The following ARRDC2 variants were observed in gnomAD, a reference collection of about 807,000 sequenced individuals.
ARRDC2 encodes the protein arrestin domain-containing protein 2.
ARRDC2 carries 39 observed loss-of-function variants against 38.9 expected under a neutral mutation model. The observed-to-expected ratio is 1.00, with a 90% confidence interval of 0.78 to 1.31. The LOEUF (loss-of-function observed/expected upper bound fraction) is 1.31, where lower values mean the gene tolerates loss of function less well. Ranked by LOEUF, ARRDC2 falls within the 50% of genes most tolerant of loss-of-function variation. The pLI is 0.00. For missense variants in ARRDC2, 553 were observed against 588.4 expected (o/e 0.94, Z 0.62); for synonymous variants, 300 against 261.9 (o/e 1.15, Z -1.41).
At chr19:18,012,652 T>C (rs2033436711) in intron 7 of ARRDC2, among the ~76,000 whole-genome samples, 1 of 152,154 alleles carries the variant, frequency 6.6e-6, no homozygotes, top group African/African-American at 2.4e-5. Flanking sequence ...GCAAATATTA[T>C]GCCATTTTAT....
chr19:18,008,871 A>C (rs1407781287), intron 2 of ARRDC2, 94 bp downstream of exon 2: 1 of 1,595,364 alleles, frequency 6.3e-7, no homozygotes, highest in Non-Finnish European at 8.6e-7. Context: ...CTGAGCCCCA[A>C]GACTCTCCCC....
chr19:18,001,214 G>A lies in ARRDC2; in HGVS notation c.-101G>A. On this transcript the variant is annotated 5_prime_UTR_variant, in exon 1 of 8. Transcript: ENST00000379656. The stretch of plus-strand genomic sequence containing the variant: ...CCGGGGGGGCCCGGAGGAAGCTTGG[G>A]GGACGCGACGGGGGAACGCGGAAAC... The A allele has an allele frequency of 4.6e-6, 5 of 1,090,332 alleles. No individual in the cohort carries two copies. In the South Asian group the frequency reaches 1.4e-4, roughly 30 times the overall value. 67.5% of individuals were successfully genotyped at this position (1,090,332 alleles called of 1,614,324 possible).
In ARRDC2 at chr19:18,008,381, T is replaced by G. The variant is rs766387572; in HGVS notation, c.71T>G (p.Phe24Cys). ...GCGACCGCGGGCGTCGAGCCCGTGT[T>G]TAGCGGCGGCCAGGCCGTGGCGGGC... Reference protein sequence around the residue: ...DGATAGVEPVFSGGQAVAGRV... With the variant: ...DGATAGVEPVCSGGQAVAGRV... The change falls in exon 1 of 8, where the codon TTT becomes TGT. Residue 24 changes from phenylalanine (F) to cysteine (C), a missense_variant. By Grantham distance (205) the Phe-to-Cys change is radical. Transcript: ENST00000222250. The G allele has an allele frequency of 6.3e-7, 1 of 1,595,924 alleles. No homozygotes were observed. Among genetic ancestry groups the G allele is most frequent in the East Asian group, 2.2e-5 (1 of 44,568 alleles).
chr19:18,008,196 G>C lies in ARRDC2; in HGVS notation c.-115G>C, dbSNP rs1234217876. The C allele has an allele frequency of 4.8e-6, 7 of 1,451,760 alleles. No individual in the cohort carries two copies. The highest frequency in any genetic ancestry group is 5.4e-6 in the Non-Finnish European group (6 of 1,106,892). The allele number at this position is 1,451,760 out of a possible 1,614,324, so 89.9% of individuals were successfully genotyped here. A position where few individuals can be genotyped will look rare whatever the true frequency, so the allele number is the denominator to read the frequency against. ...ATTTTCTGCTCCGGTTGGTGAGCGC[G>C]CCTGCGCGTTGACGGCGATTTTGCG... On this transcript the variant is annotated 5_prime_UTR_variant, in exon 1 of 8. Coordinates refer to ENST00000222250, the MANE Select transcript of ARRDC2 (RefSeq NM_015683.2).
upstream of ARRDC2, chr19:18,008,116 A>ACCGCC: frequency 3.8e-5 from 20 of 522,490 alleles, no homozygotes; most frequent in African/African-American, 8.4e-5. Context: ...AGAGACGGTG[A>ACCGCC]CCCCACCCCC....
At chr19:18,007,908 C>T (rs2146000910), upstream of ARRDC2, 1 of 301,274 alleles carries the variant, frequency 3.3e-6, no homozygotes, top group African/African-American at 2.3e-5. Flanking sequence ...CCTGCCTCTG[C>T]ACCTCTTTTT....
upstream of ARRDC2, among the ~76,000 whole-genome samples, chr19:18,005,416 C>T (rs529551186): frequency 2.0e-5 from 3 of 152,262 alleles, no homozygotes; most frequent in African/African-American, 7.2e-5. Context: ...GGCAACCATC[C>T]GATTTCTCAA....
In ARRDC2 at chr19:18,009,038, C is replaced by T. The variant is rs371134871; in HGVS notation, c.409C>T (p.Arg137Trp). The T allele has an allele frequency of 8.7e-6, 14 of 1,613,530 alleles. No individual in the cohort carries two copies. The highest frequency in any genetic ancestry group is 1.7e-5 in the Admixed American group (1 of 59,992). Residue 137 changes from arginine to tryptophan, a missense_variant, in exon 3 of 8, where the codon CGG (arginine) becomes TGG (tryptophan). Arg to Trp is a moderately radical substitution (Grantham distance 101). Coordinates refer to ENST00000222250, the MANE Select transcript of ARRDC2 (RefSeq NM_015683.2). Reference sequence around the variant, plus strand: ...CTACTGTATCAAGGCCACCCTGCACCGGCCCTGGGTCCCAGCACGCCGGGC... The same window carrying T: ...CTACTGTATCAAGGCCACCCTGCACTGGCCCTGGGTCCCAGCACGCCGGGC... Reference protein sequence around the residue: ...VRYCIKATLHRPWVPARRARK... With the variant: ...VRYCIKATLHWPWVPARRARK...
chr19:18,010,387 G>A (rs1483549204), intron 6 of ARRDC2, 29 bp downstream of exon 6: 1 of 1,597,912 alleles, frequency 6.3e-7, no homozygotes, highest in South Asian at 1.1e-5. Flanking sequence ...TGCATGCAGA[G>A]GGTGGGTGGA....
chr19:18,007,638 G>C (rs2033305583), upstream of ARRDC2: 1 of 154,088 alleles, frequency 6.5e-6, no homozygotes, highest in African/African-American at 2.4e-5. Flanking sequence ...AGAGCCACCA[G>C]CTAAGCGGGA....
chr19:18,002,497 G>A (rs1001855373), intron 1 of ARRDC2, among the ~76,000 whole-genome samples: 14 of 152,318 alleles, frequency 9.2e-5, no homozygotes, highest in South Asian at 4.1e-4. Context: ...TCTCTGGGCC[G>A]CCCTGGCTAT....
In ARRDC2 at chr19:18,008,238, T is replaced by A; in HGVS notation, c.-73T>A. The stretch of plus-strand genomic sequence containing the variant: ...GATTTTGCGTTCTGAGGCTGCAGCG[T>A]CGGCATCTTGAGCTGCCGGTTCGCG... On this transcript the variant is annotated 5_prime_UTR_variant, in exon 1 of 8. Transcript: ENST00000222250. 1 of 1,537,494 alleles carries A rather than the reference T, an allele frequency of 6.5e-7. No homozygotes were observed. The highest frequency in any genetic ancestry group is 8.7e-7 in the Non-Finnish European group (1 of 1,152,254).
In ARRDC2 at chr19:18,013,455, A is replaced by C. The variant is rs2033452477; in HGVS notation, c.*489A>C. 1 of 154,274 alleles carries C rather than the reference A, an allele frequency of 6.5e-6. No homozygotes were observed. The highest frequency in any genetic ancestry group is 1.4e-5 in the Non-Finnish European group (1 of 69,162). 9.6% of individuals were successfully genotyped at this position (154,274 alleles called of 1,614,324 possible). A position where few individuals can be genotyped will look rare whatever the true frequency, so the allele number is the denominator to read the frequency against. ...ACGAATGAGGAATAAAGGTCAGAGA[A>C]GGTCAGAGCTGAGTGACGTTTGGAA... On this transcript the variant is annotated 3_prime_UTR_variant, in exon 8 of 8. Transcript: ENST00000222250.
At position 18,009,884 on chromosome 19, in the gene ARRDC2, G is replaced by A. The variant is rs768141911; in HGVS notation, c.694G>A (p.Ala232Thr). The A allele has an allele frequency of 2.9e-5, 47 of 1,610,698 alleles. No homozygotes were observed. The highest frequency in any genetic ancestry group is 8.3e-5 in the Admixed American group (5 of 59,960). ...VQTQTFMARGARKQKRAVVAS... is the reference protein window; with the variant it reads ...VQTQTFMARGTRKQKRAVVAS... ...GACACAGACGTTCATGGCCCGAGGC[G>A]CCCGAAAGCAGAAACGGGCAGTGGT... The change falls in exon 5 of 8, where the codon GCC (alanine) becomes ACC (threonine). Residue 232 changes from alanine (A) to threonine (T), a missense_variant. By Grantham distance (58) the Ala-to-Thr change is moderately conservative (BLOSUM62 0). Coordinates refer to ENST00000222250, the MANE Select transcript of ARRDC2 (RefSeq NM_015683.2).
At chr19:18,010,808 G>A (rs1201324334) in intron 7 of ARRDC2, 79 bp downstream of exon 7, 1 of 1,494,598 alleles carries the variant, frequency 6.7e-7, no homozygotes, top group Non-Finnish European at 9.1e-7. Context: ...ATAGTAGATG[G>A]GTTTTTTTTG....
In ARRDC2 at chr19:18,010,355, G is replaced by C; in HGVS notation, c.1009G>C (p.Glu337Gln). 6.2e-7 allele frequency: 1 copy of C among 1,608,462 alleles called. No individual in the cohort carries two copies. Among genetic ancestry groups the C allele is most frequent in the Non-Finnish European group, 8.5e-7 (1 of 1,179,652 alleles). ...WRLGALPERP[E>Q]APPEYSEVVA... ...GCTGGGGGCCTTGCCGGAGCGGCCT[G>C]AGGGTAAGCTCCCACCCTGCTTGCA... Residue 337 changes from glutamate (E) to glutamine (Q), a missense_variant, in exon 6 of 8, where the codon GAG (glutamate) becomes CAG (glutamine). Transcript: ENST00000222250.
upstream of ARRDC2, among the ~76,000 whole-genome samples, chr19:18,006,402 A>G (rs1424962892): frequency 6.6e-6 from 1 of 152,200 alleles, no homozygotes; most frequent in African/African-American, 2.4e-5. Flanking sequence ...AGGCTGGTGG[A>G]TCACTCGAGG....
chr19:18,008,116 A>ACG, upstream of ARRDC2: 405 of 522,446 alleles, frequency 7.8e-4, 1 homozygote, highest in Middle Eastern at 1.4e-3. Context: ...AGAGACGGTG[A>ACG]CCCCACCCCC....
At chr19:18,010,545 C>T in intron 6 of ARRDC2, 27 bp from the exon 7 acceptor site, 1 of 1,611,392 alleles carries the variant, frequency 6.2e-7, no homozygotes, top group Non-Finnish European at 8.5e-7. Flanking sequence ...TCCTGCCAAC[C>T]TCACCCACCC....
Sources: gnomAD v4.1 joint callset for allele counts (sites outside exome capture counted in the v4.1 genomes callset) on GRCh38, gnomAD v4.1.1 for gene constraint, MANE v1.5 for transcripts, NCBI Gene and HGNC (gene_info 2026-07-23, HGNC 2026-07-21) for gene names.